Variants in DIS3L observed in about 807,000 individuals in gnomAD.
DIS3L encodes the protein DIS3 like exosome 3'-5' exoribonuclease.
In DIS3L, 100 loss-of-function variants were observed where a neutral mutation model predicts 120.3. The observed-to-expected ratio is 0.83, with a 90% CI of 0.71 to 0.98. DIS3L has a LOEUF of 0.98. Among genes scored for constraint, DIS3L ranks in the 50% least tolerant of loss-of-function variants. The pLI is 0.00. For missense variants in DIS3L, 1,196 were observed against 1,314.2 expected, an observed-to-expected ratio of 0.91 and a Z score of 1.39; for synonymous variants, 426 against 470.6, an observed-to-expected ratio of 0.91 and a Z score of 1.23.
At chr15:66,313,253 C>CA (rs1270419634) in intron 5 of DIS3L, among the ~76,000 whole-genome samples, 1 of 151,946 alleles carries the variant, frequency 6.6e-6, no homozygotes, top group African/African-American at 2.4e-5. Context: ...CTCAGCCTCC[C>CA]AAAATGCTGG....
At position 66,309,094 on chromosome 15, in the gene DIS3L, A is replaced by AAAAAAAAAAAAAAAAATATATATAT; in HGVS notation, c.558+251_558+252insAAAAAAAAAAAAAAATATATATATA. 7.2e-4 allele frequency among the ~76,000 whole-genome samples: 11 copies of AAAAAAAAAAAAAAAAATATATATAT among 15,316 alleles called. 4 individuals carry two copies. The highest frequency in any genetic ancestry group is 1.4e-3 in the African/African-American group (7 of 5,124). The allele number at this position is 15,316 out of a possible 152,430, so 10.0% of individuals were successfully genotyped here. On this transcript the variant is annotated intron_variant, in intron 4 of 16. Coordinates refer to ENST00000319212, the MANE Select transcript of DIS3L (RefSeq NM_001143688.3). ...CTTGTCTCTACAGAAAAAAAAAAAA[A>AAAAAAAAAAAAAAAAATATATATAT]ATATATATATCTCCAAGCATGGTGG...
At chr15:66,315,238 C>A in intron 7 of DIS3L, 23 bp downstream of exon 7, 1 of 1,560,364 alleles carries the variant, frequency 6.4e-7, no homozygotes, top group South Asian at 1.2e-5. Context: ...CAGAGCCACT[C>A]CGATGTCCAT....
In DIS3L at chr15:66,306,814, C is replaced by T. The variant is rs200784537; in HGVS notation, c.294-10C>T. ...CTTTGTTAGAGTTATTTTTCTCCTC[C>T]GTGTCACAGACAGTATAACAAACTG... On this transcript the variant is annotated splice_polypyrimidine_tract_variant and intron_variant, in intron 2 of 16. Coordinates refer to ENST00000319212, the MANE Select transcript of DIS3L (RefSeq NM_001143688.3). 5.2e-4 allele frequency: 832 copies of T among 1,613,484 alleles called. No individual in the cohort carries two copies. Among genetic ancestry groups the T allele is most frequent in the Non-Finnish European group, 6.7e-4 (787 of 1,179,616 alleles).
intron 14 of DIS3L, chr15:66,329,773 G>T (rs547750586): frequency 1.0e-4 from 95 of 942,736 alleles, no homozygotes; most frequent in Non-Finnish European, 1.1e-4. Context: ...TTAGCCGGGT[G>T]TGATGGCACG....
intron 2 of DIS3L, among the ~76,000 whole-genome samples, chr15:66,299,082 G>C (rs1393252897): frequency 6.6e-6 from 1 of 152,222 alleles, no homozygotes; most frequent in Non-Finnish European, 1.5e-5. Flanking sequence ...AAACCAGGCA[G>C]AGTGGAGGAA....
chr15:66,304,043 T>C (rs984531927), intron 2 of DIS3L, among the ~76,000 whole-genome samples: 10 of 134,948 alleles, frequency 7.4e-5, no homozygotes, highest in African/African-American at 2.3e-4. Flanking sequence ...TGAGCCGAGA[T>C]TGTGCCACTG....
intron 7 of DIS3L, 109 bp from the exon 8 acceptor site, chr15:66,318,340 A>G (rs1177631899): frequency 1.4e-5 from 18 of 1,305,854 alleles, no homozygotes; most frequent in Non-Finnish European, 1.9e-5. Flanking sequence ...GCTTGAAAAA[A>G]AATAGGACAC....
At chr15:66,329,456 C>T in intron 14 of DIS3L, 57 bp downstream of exon 14, 1 of 1,549,334 alleles carries the variant, frequency 6.5e-7, no homozygotes, top group Non-Finnish European at 8.7e-7. Flanking sequence ...AAAATATCAG[C>T]TTTATTGTGT....
intron 3 of DIS3L, among the ~76,000 whole-genome samples, chr15:66,307,253 A>G (rs1460179116): frequency 1.3e-5 from 2 of 152,048 alleles, no homozygotes; most frequent in Admixed American, 1.3e-4. Flanking sequence ...TAATGCGTGT[A>G]TGTATGGAGA....
intron 6 of DIS3L, 29 bp from the exon 7 acceptor site, chr15:66,315,007 G>C: frequency 6.2e-7 from 1 of 1,605,970 alleles, no homozygotes; most frequent in Non-Finnish European, 8.5e-7. Context: ...TTGGCTTTAT[G>C]GGTTTTTTCT....
intron 2 of DIS3L, among the ~76,000 whole-genome samples, chr15:66,304,704 C>T (rs2092684568): frequency 6.6e-6 from 1 of 151,808 alleles, no homozygotes; most frequent in Non-Finnish European, 1.5e-5. Context: ...AGTTTGAGAC[C>T]AGCCTGGCAA....
In DIS3L at chr15:66,333,278, C is replaced by G. The variant is rs1397721664; in HGVS notation, c.3131C>G (p.Ala1044Gly). The stretch of plus-strand genomic sequence containing the variant: ...CTTCTAGAGGAGATACGGGACCTAG[C>G]TCTCCTGGATGTTTCAAACAATTAT... The part of the protein sequence containing the change: ...YTLLEEIRDL[A>G]LLDVSNNYGI Residue 1044 changes from alanine (A) to glycine (G), a missense_variant, in exon 17 of 17, where the codon GCT becomes GGT. Ala to Gly is a moderately conservative substitution (Grantham distance 60, BLOSUM62 0). Transcript: ENST00000319212. 2 of 1,610,176 alleles carry G rather than the reference C, an allele frequency of 1.2e-6. No individual in the cohort carries two copies. The highest frequency in any genetic ancestry group is 1.7e-6 in the Non-Finnish European group (2 of 1,178,912).
intron 4 of DIS3L, among the ~76,000 whole-genome samples, 164 bp from the exon 5 acceptor site, chr15:66,311,560 G>A (rs946258034): frequency 7.2e-5 from 11 of 152,124 alleles, no homozygotes; most frequent in Admixed American, 1.3e-4. Flanking sequence ...GGTTAATGTG[G>A]TAGTAGAGAA....
intron 5 of DIS3L, among the ~76,000 whole-genome samples, chr15:66,313,828 GAA>G (rs528420858): frequency 1.4e-5 from 2 of 146,114 alleles, no homozygotes; most frequent in Non-Finnish European, 1.5e-5. Flanking sequence ...TCGAAAAAAA[GAA>G]AAAAGTGTAT....
rs533965296 is a variant in DIS3L, at chr15:66,296,530, T to C, written c.293+1389T>C. On this transcript the variant is annotated intron_variant, in intron 2 of 16. Coordinates refer to ENST00000319212, the MANE Select transcript of DIS3L (RefSeq NM_001143688.3). ...AAGAAGTCTTTTTTTTTTTTTTTTTTCCTTGAGATGGAGTCTGGCTCTGTC... is the reference window on the plus strand; with the variant it reads ...AAGAAGTCTTTTTTTTTTTTTTTTTCCCTTGAGATGGAGTCTGGCTCTGTC... Among the ~76,000 whole-genome samples the C allele has an allele frequency of 5.9e-4, 82 of 138,882 alleles. 3 individuals carry two copies. In the South Asian group the frequency reaches 0.016, roughly 27 times the overall value. The allele number at this position is 138,882 out of a possible 152,430, so 91.1% of individuals were successfully genotyped here.
intron 5 of DIS3L, 48 bp from the exon 6 acceptor site, chr15:66,313,991 G>C: frequency 1.3e-6 from 2 of 1,489,730 alleles, no homozygotes; most frequent in Middle Eastern, 2.3e-4. Context: ...AGATAAACCA[G>C]GCGGAAAAGA....
At position 66,326,291 on chromosome 15, in the gene DIS3L, C is replaced by T; in HGVS notation, c.2128C>T (p.Pro710Ser). ...TCATCAGGCCTTGCTGCGCCAGCAC[C>T]CTCCTCCACACCAGGAGTTCTTTTC... is the stretch of plus-strand genomic sequence containing the variant. ...FPHQALLRQHPPPHQEFFSEL... is the reference protein window; with the variant it reads ...FPHQALLRQHSPPHQEFFSEL... Residue 710 changes from proline (P) to serine (S), a missense_variant, in exon 12 of 17, where the codon CCT becomes TCT. By Grantham distance (74) the Pro-to-Ser change is moderately conservative. Transcript: ENST00000319212. 1 of 1,614,158 alleles carries T rather than the reference C, an allele frequency of 6.2e-7. No homozygotes were observed. Among genetic ancestry groups the T allele is most frequent in the Non-Finnish European group, 8.5e-7 (1 of 1,180,040 alleles).
In DIS3L at chr15:66,329,382, A is replaced by G; in HGVS notation, c.2518A>G (p.Ile840Val). Residue 840 changes from isoleucine to valine, a missense_variant, in exon 14 of 17, where the codon ATC (isoleucine) becomes GTC (valine). Coordinates refer to ENST00000319212, the MANE Select transcript of DIS3L (RefSeq NM_001143688.3). ...NKDLEELCRH[I>V]NNRNQAAQHS... Reference sequence around the variant, plus strand: ...AGATCTTGAGGAATTATGCAGACATATCAACAACAGAAACCAAGTAAGAGG... The same window carrying G: ...AGATCTTGAGGAATTATGCAGACATGTCAACAACAGAAACCAAGTAAGAGG... 6.2e-7 allele frequency: 1 copy of G among 1,604,400 alleles called. No homozygotes were observed. The highest frequency in any genetic ancestry group is 8.5e-7 in the Non-Finnish European group (1 of 1,177,180).
intron 6 of DIS3L, chr15:66,314,794 G>C: frequency 2.4e-6 from 1 of 418,322 alleles, no homozygotes. Context: ...GAAGGGGATG[G>C]GGATATTTTT....
Sources: gnomAD v4.1 joint callset for allele counts (sites outside exome capture counted in the v4.1 genomes callset) on GRCh38, gnomAD v4.1.1 for gene constraint, MANE v1.5 for transcripts, NCBI Gene and HGNC (gene_info 2026-07-23, HGNC 2026-07-21) for gene names.